Variants in CTNNA3 observed in about 807,000 individuals in gnomAD.
CTNNA3 encodes the protein catenin alpha 3, also known as catenin alpha-3.
CTNNA3 carries 76 observed loss-of-function variants against 95.7 expected under a neutral mutation model. The ratio of observed to expected loss-of-function variants is 0.79; its 90% CI spans 0.66 to 0.96. The LOEUF (loss-of-function observed/expected upper bound fraction) is 0.96, where lower values mean the gene tolerates loss of function less well. Among genes scored for constraint, CTNNA3 ranks in the 40% least tolerant of loss-of-function variants. CTNNA3 has a pLI of 0.00. For missense variants in CTNNA3, 1,191 were observed against 1,089.8 expected (o/e 1.09, Z -1.31); for synonymous variants, 431 against 374.4 (o/e 1.15, Z -1.74).
chr10:66,154,927 C>G (rs2084411533), intron 13 of CTNNA3, among the ~76,000 whole-genome samples: 1 of 151,206 alleles, frequency 6.6e-6, no homozygotes, highest in Non-Finnish European at 1.5e-5. Context: ...AGTTGACAAA[C>G]ATTTTCTATA....
At chr10:66,202,663 T>C (rs1250315216) in intron 13 of CTNNA3, among the ~76,000 whole-genome samples, 2 of 152,194 alleles carry the variant, frequency 1.3e-5, no homozygotes, top group East Asian at 3.9e-4. Context: ...TCACTTTTAG[T>C]TAAACCATTG....
chr10:66,199,432 A>C (rs1043943751), intron 13 of CTNNA3, among the ~76,000 whole-genome samples: 6 of 151,654 alleles, frequency 4.0e-5, no homozygotes, highest in Admixed American at 3.9e-4. Flanking sequence ...TATATTCTTT[A>C]AAGTGTCATA....
chr10:67,011,028 TTGTCAACTA>T lies in CTNNA3; in HGVS notation c.1047+169280_1047+169288del, dbSNP rs1384436414. Among the ~76,000 whole-genome samples, 5 of 152,088 alleles carry T rather than the reference TTGTCAACTA, an allele frequency of 3.3e-5. No individual in the cohort carries two copies. In the South Asian group the frequency reaches 6.2e-4, roughly 19 times the overall value. On this transcript the variant is annotated intron_variant, in intron 7 of 17. Transcript: ENST00000433211. Reference sequence around the variant, plus strand: ...ATTATTAAACTGAAATTAAGATTATTTGTCAACTATGTCAATATAGGCCAGGCGCGGTGG... The same window carrying T: ...ATTATTAAACTGAAATTAAGATTATTTGTCAATATAGGCCAGGCGCGGTGG...
intron 5 of CTNNA3, among the ~76,000 whole-genome samples, chr10:67,225,826 C>T (rs959891861): frequency 6.6e-6 from 1 of 152,060 alleles, no homozygotes; most frequent in Non-Finnish European, 1.5e-5. Context: ...CTTTAGCACC[C>T]CCAAAAAGCA....
At chr10:67,020,661 G>A (rs1156547045) in intron 7 of CTNNA3, among the ~76,000 whole-genome samples, 4 of 152,130 alleles carry the variant, frequency 2.6e-5, no homozygotes, top group African/African-American at 9.7e-5. Flanking sequence ...AAATGGAATG[G>A]AAAATTCAGA....
intron 7 of CTNNA3, among the ~76,000 whole-genome samples, chr10:67,156,978 T>C (rs1453423180): frequency 6.6e-6 from 1 of 152,146 alleles, no homozygotes; most frequent in Admixed American, 6.5e-5. Flanking sequence ...GTTGGGTACA[T>C]ATATTTATAG....
chr10:65,947,561 T>C (rs1199190002), intron 17 of CTNNA3, among the ~76,000 whole-genome samples: 1 of 152,198 alleles, frequency 6.6e-6, no homozygotes, highest in Non-Finnish European at 1.5e-5. Flanking sequence ...TTTCTATTCT[T>C]CCCTTTCCTT....
intron 12 of CTNNA3, among the ~76,000 whole-genome samples, chr10:66,372,328 G>C (rs1191491748): frequency 6.6e-6 from 1 of 152,162 alleles, no homozygotes; most frequent in Non-Finnish European, 1.5e-5. Context: ...AGTAGGATCA[G>C]AATGAAAGAT....
chr10:66,836,259 C>T (rs924399531), intron 7 of CTNNA3, among the ~76,000 whole-genome samples: 5 of 152,146 alleles, frequency 3.3e-5, no homozygotes, highest in Admixed American at 6.6e-5. Flanking sequence ...GGACTTGATA[C>T]GTGCAAAACC....
At chr10:67,639,847 G>T (rs1254938617) in intron 2 of CTNNA3, among the ~76,000 whole-genome samples, 4 of 152,130 alleles carry the variant, frequency 2.6e-5, no homozygotes, top group South Asian at 2.1e-4. Flanking sequence ...CGTATTGATG[G>T]GACATATCTC....
At chr10:67,335,140 G>A (rs1335813973) in intron 5 of CTNNA3, among the ~76,000 whole-genome samples, 3 of 152,116 alleles carry the variant, frequency 2.0e-5, no homozygotes, top group African/African-American at 4.8e-5. Flanking sequence ...GAGTTTTCTC[G>A]TGGGACACCA....
intron 13 of CTNNA3, among the ~76,000 whole-genome samples, chr10:66,219,841 A>G (rs2088815334): frequency 6.6e-6 from 1 of 152,150 alleles, no homozygotes; most frequent in African/African-American, 2.4e-5. Context: ...TTAAGAATAA[A>G]GGCTGGGTGC....
At chr10:67,650,501 C>A (rs1172391968) in intron 1 of CTNNA3, among the ~76,000 whole-genome samples, 1 of 152,110 alleles carries the variant, frequency 6.6e-6, no homozygotes, top group Non-Finnish European at 1.5e-5. Context: ...CAGGGCAAAC[C>A]CAACCATATG....
At chr10:66,457,104 AAAAAC>A (rs2093499703) in intron 11 of CTNNA3, among the ~76,000 whole-genome samples, 2 of 152,140 alleles carry the variant, frequency 1.3e-5, no homozygotes. Context: ...AAAAAATGGA[AAAAAC>A]AAAACAAAAC....
chr10:66,146,555 T>G (rs1014706419), intron 13 of CTNNA3, among the ~76,000 whole-genome samples: 16 of 152,120 alleles, frequency 1.1e-4, no homozygotes, highest in Non-Finnish European at 5.9e-5. Context: ...ATTCTGTTTG[T>G]TTGGTTGGTT....
At chr10:66,955,104 C>A (rs1315851391) in intron 7 of CTNNA3, among the ~76,000 whole-genome samples, 1 of 152,096 alleles carries the variant, frequency 6.6e-6, no homozygotes, top group Admixed American at 6.6e-5. Context: ...GGAAGACTTC[C>A]TCTAACCTCT....
intron 12 of CTNNA3, among the ~76,000 whole-genome samples, chr10:66,374,995 G>A (rs1297058655): frequency 2.0e-5 from 3 of 151,982 alleles, no homozygotes; most frequent in Non-Finnish European, 4.4e-5. Flanking sequence ...AATTGAGTTG[G>A]CACGTCCCTT....
chr10:66,381,544 C>T (rs980908671), intron 11 of CTNNA3, among the ~76,000 whole-genome samples: 2 of 151,636 alleles, frequency 1.3e-5, no homozygotes, highest in Admixed American at 6.6e-5. Flanking sequence ...GTTAGGCTAA[C>T]AAGAATGCTT....
At chr10:67,136,953 A>G (rs1188359060) in intron 7 of CTNNA3, among the ~76,000 whole-genome samples, 1 of 152,208 alleles carries the variant, frequency 6.6e-6, no homozygotes, top group Non-Finnish European at 1.5e-5. Context: ...TAGGGGGCAT[A>G]TAAAAAGGAC....
Sources: allele counts gnomAD v4.1 joint callset (sites outside exome capture counted in the v4.1 genomes callset), GRCh38; gene constraint gnomAD v4.1.1; transcripts MANE v1.5; gene names NCBI Gene and HGNC (gene_info 2026-07-23, HGNC 2026-07-21).